The following PLXNB3 variants were observed in gnomAD, a reference collection of about 807,000 sequenced individuals.
The protein encoded by PLXNB3 is plexin-B3.
PLXNB3 carries 80 observed loss-of-function variants against 125.7 expected under a neutral mutation model. The ratio of observed to expected loss-of-function variants is 0.64; its 90% CI spans 0.53 to 0.77. The LOEUF (loss-of-function observed/expected upper bound fraction) is 0.77, where lower values mean the gene tolerates loss of function less well. Ranked by LOEUF, PLXNB3 falls within the 30% of genes least tolerant of loss-of-function variation. PLXNB3 has a pLI of 0.00. For synonymous variants in PLXNB3, 954 were observed against 783.3 expected (o/e 1.22, Z -3.64); for missense variants, 1,836 against 1,729.3 (o/e 1.06, Z -1.09).
rs201817979 is a variant in PLXNB3, at chrX:153,770,864, G to A, written c.2117G>A (p.Arg706Gln). The A allele has an allele frequency of 4.5e-5, 54 of 1,206,705 alleles. No individual in the cohort carries two copies. The Middle Eastern group carries it at 7.0e-4, about 16-fold the overall frequency. ...GWESHLALRVRNLQHFRGLPA... is the reference protein window; with the variant it reads ...GWESHLALRVQNLQHFRGLPA... ...GAGAGCCATTTGGCCCTACGCGTGC[G>A]GAACCTTCAACATTTCCGAGTGAGC... Residue 706 changes from arginine (R) to glutamine (Q), a missense_variant, in exon 11 of 36, where the codon CGG (arginine) becomes CAG (glutamine). Coordinates refer to ENST00000361971, the MANE Select transcript of PLXNB3 (RefSeq NM_005393.3).
At position 153,775,194 on chromosome X, in the gene PLXNB3, T is replaced by G. The variant is rs1557063624; in HGVS notation, c.4156-31T>G. On this transcript the variant is annotated intron_variant, in intron 24 of 35. Coordinates refer to ENST00000361971, the MANE Select transcript of PLXNB3 (RefSeq NM_005393.3). Reference sequence around the variant, plus strand: ...GACAAAGGTGGGGGAGGAGTGGGGCTTCCCAGGATGAGCCTCCGACCCCTG... The same window carrying G: ...GACAAAGGTGGGGGAGGAGTGGGGCGTCCCAGGATGAGCCTCCGACCCCTG... The G allele has an allele frequency of 6.1e-6, 7 of 1,153,430 alleles. No individual in the cohort carries two copies. In the South Asian group the frequency reaches 1.4e-4, roughly 23 times the overall value.
chrX:153,770,647 G>A lies in PLXNB3; in HGVS notation c.2010+5G>A. 8.3e-7 allele frequency: 1 copy of A among 1,208,829 alleles called. No individual in the cohort carries two copies. On this transcript the variant is annotated splice_donor_5th_base_variant and intron_variant, in intron 10 of 35. Coordinates refer to ENST00000361971, the MANE Select transcript of PLXNB3 (RefSeq NM_005393.3). ...ACCATCTACAGCGCCCAGGAGGTGG[G>A]TGGGCCCGAACTTCGGGCAGAGACA...
At position 153,768,441 on chromosome X, in the gene PLXNB3, C is replaced by G. The variant is rs782643569; in HGVS notation, c.1266+13C>G. On this transcript the variant is annotated intron_variant, in intron 4 of 35. Transcript: ENST00000361971. ...CCAGCTGTACAAGGTGAGGGCCCGGCCTTGCTGTCCGGCTGGGTGTGCCCC... is the reference window on the plus strand; with the variant it reads ...CCAGCTGTACAAGGTGAGGGCCCGGGCTTGCTGTCCGGCTGGGTGTGCCCC... The G allele has an allele frequency of 8.5e-7, 1 of 1,180,314 alleles. No homozygotes were observed. Among genetic ancestry groups the G allele is most frequent in the South Asian group, 1.8e-5 (1 of 54,370 alleles).
intron 16 of PLXNB3, chrX:153,772,573 A>G: frequency 1.6e-6 from 1 of 608,092 alleles, no homozygotes; most frequent in South Asian, 4.3e-5. Flanking sequence ...CAAAGAGGCA[A>G]CTGGATTTGA....
At chrX:153,765,992 C>G (rs1409750809) in intron 2 of PLXNB3, 1 of 751,025 alleles carries the variant, frequency 1.3e-6, no homozygotes, top group African/African-American at 2.3e-5. Context: ...CCTGACCCCT[C>G]CCCCAGCCAG....
In PLXNB3 at chrX:153,769,254, C is replaced by G; in HGVS notation, c.1488C>G (p.Leu496=). Residue 496 remains leucine (L), a synonymous_variant, in exon 6 of 36, where the codon CTC becomes CTG. Coordinates refer to ENST00000361971, the MANE Select transcript of PLXNB3 (RefSeq NM_005393.3). ...ACCCGCTGTGTGGCTGGTGTGTCCT[C>G]CAGGGCAGGTGAGCACGGGGCCTGT... is the stretch of plus-strand genomic sequence containing the variant. The part of the protein sequence containing the change: ...AQDPLCGWCV[L]QGRCTRKGQC... 8.6e-7 allele frequency: 1 copy of G among 1,163,748 alleles called. No individual in the cohort carries two copies. Among genetic ancestry groups the G allele is most frequent in the African/African-American group, 1.8e-5 (1 of 56,603 alleles).
intron 3 of PLXNB3, 21 bp downstream of exon 3, chrX:153,767,934 T>TC: frequency 9.3e-7 from 1 of 1,078,138 alleles, no homozygotes; most frequent in Non-Finnish European, 1.2e-6. Context: ...TGCCCTTCCA[T>TC]CCCCCCTCTC....
rs2091885096 is a variant in PLXNB3, at chrX:153,768,499, C to T, written c.1266+71C>T. ...GGAGGCTCAGGAAAGCCCCCAGCAA[C>T]TTCCACCTCTTAGCCCGCATCCCAC... On this transcript the variant is annotated intron_variant, in intron 4 of 35. Coordinates refer to ENST00000361971, the MANE Select transcript of PLXNB3 (RefSeq NM_005393.3). The T allele has an allele frequency of 4.1e-6, 4 of 971,791 alleles. No individual in the cohort carries two copies. In the South Asian group the frequency reaches 7.0e-5, roughly 17 times the overall value. The allele number at this position is 971,791 out of a possible 1,213,427, so 80.1% of individuals were successfully genotyped here. A position where few individuals can be genotyped will look rare whatever the true frequency, so the allele number is the denominator to read the frequency against.
intron 2 of PLXNB3, chrX:153,766,258 G>T: frequency 8.6e-7 from 1 of 1,166,348 alleles, no homozygotes; most frequent in Non-Finnish European, 1.1e-6. Flanking sequence ...TGCTCAGCCC[G>T]CGGCTGCCTG....
At chrX:153,768,827 G>C (rs781898608) in intron 4 of PLXNB3, 121 bp from the exon 5 acceptor site, 1 of 841,797 alleles carries the variant, frequency 1.2e-6, no homozygotes, top group Non-Finnish European at 1.7e-6. Context: ...GTCCTCCCTC[G>C]ATGGCCCGGC....
intron 12 of PLXNB3, 75 bp downstream of exon 12, chrX:153,771,156 A>AGCCT (rs782231244): frequency 5.0e-5 from 50 of 993,758 alleles, no homozygotes; most frequent in African/African-American, 4.3e-4. Context: ...CTTTGTGGAG[A>AGCCT]GCCTGCTTGG....
rs146370406 is a variant in PLXNB3 at position 153,777,641 on chromosome X, G to A, written c.5214G>A (p.Lys1738=). 91 of 1,210,728 alleles carry A rather than the reference G, an allele frequency of 7.5e-5. No homozygotes were observed. The highest frequency in any genetic ancestry group is 9.6e-5 in the Non-Finnish European group (86 of 895,265). The change falls in exon 31 of 36, where the codon AAG becomes AAA. Residue 1738 remains lysine (K), a synonymous_variant. Coordinates refer to ENST00000361971, the MANE Select transcript of PLXNB3 (RefSeq NM_005393.3). The stretch of plus-strand genomic sequence containing the variant: ...ACCTTCTGGATGAGCTAGCAGAGAA[G>A]CACGGCATCGAGGACCCAGGGACCC... ...LFDLLDELAE[K]HGIEDPGTLH...
Position 153,778,438 on chromosome X carries a change from G to A in PLXNB3, c.5517G>A (p.Gln1839=). 3 of 1,211,551 alleles carry A rather than the reference G, an allele frequency of 2.5e-6. No homozygotes were observed. Among genetic ancestry groups the A allele is most frequent in the South Asian group, 3.5e-5 (2 of 57,004 alleles). The part of the protein sequence containing the change: ...DIRQSSPASY[Q]EMNSALAELS... ...GCCAGAGCTCTCCGGCGAGCTACCA[G>A]GAGATGAACTCTGCTTTGGCTGAGC... The change falls in exon 34 of 36, where the codon CAG becomes CAA. Residue 1839 remains glutamine (Q), a synonymous_variant. Coordinates refer to ENST00000361971, the MANE Select transcript of PLXNB3 (RefSeq NM_005393.3).
intron 2 of PLXNB3, 150 bp downstream of exon 2, chrX:153,765,730 G>A (rs1362143407): frequency 1.3e-5 from 15 of 1,128,597 alleles, no homozygotes; most frequent in Admixed American, 5.5e-5. Context: ...GGAAGTGTCC[G>A]TGCTCTTCCT....
In PLXNB3 at chrX:153,769,341, C is replaced by T. The variant is rs782664107; in HGVS notation, c.1496+79C>T. On this transcript the variant is annotated intron_variant, in intron 6 of 35. Transcript: ENST00000361971. ...GGCTGCCCCTGGAAGTAGCCCTAGG[C>T]GTGCCGGGAGGCCAACCCTGCCTGT... 2.2e-3 allele frequency: 1,916 copies of T among 858,760 alleles called. 3 individuals are homozygous for T. The highest frequency in any genetic ancestry group is 2.8e-3 in the Non-Finnish European group (1,736 of 609,264). The allele number at this position is 858,760 out of a possible 1,213,427, so 70.8% of individuals were successfully genotyped here.
chrX:153,769,765 T>A (rs1557060884), intron 6 of PLXNB3, 42 bp from the exon 7 acceptor site: 2 of 1,177,909 alleles, frequency 1.7e-6, no homozygotes, highest in African/African-American at 3.5e-5. Context: ...ATCCTTGGAG[T>A]CTAGGACCCC....
At chrX:153,764,520 C>T (rs2091836519) in intron 1 of PLXNB3, among the ~76,000 whole-genome samples, 1 of 112,844 alleles carries the variant, frequency 8.9e-6, no homozygotes, top group East Asian at 2.8e-4. Flanking sequence ...GTTTCTTCCC[C>T]GAAATGGGAA....
rs782049939 is a variant in PLXNB3, at chrX:153,774,578, C to T, written c.3830+7C>T. The T allele has an allele frequency of 8.4e-7, 1 of 1,185,684 alleles. No homozygotes were observed. The highest frequency in any genetic ancestry group is 1.9e-5 in the South Asian group (1 of 52,827). ...TCCTCACCCTCATGTACAGGTGAGA[C>T]CCGCCCACCCCCAGCACACTTCCCT... On this transcript the variant is annotated splice_region_variant and intron_variant, in intron 22 of 35. Transcript: ENST00000361971.
chrX:153,775,464 G>A (rs1369001707), intron 25 of PLXNB3, 61 bp downstream of exon 25: 11 of 1,169,873 alleles, frequency 9.4e-6, no homozygotes, highest in Admixed American at 8.9e-5. Context: ...TGCCCCCATC[G>A]CACCCTGGGC....
Sources: allele counts gnomAD v4.1 joint callset (sites outside exome capture counted in the v4.1 genomes callset), GRCh38; gene constraint gnomAD v4.1.1; transcripts MANE v1.5; gene names NCBI Gene and HGNC (gene_info 2026-07-23, HGNC 2026-07-21).